FBXL7: variants seen among roughly 807,000 people sequenced by gnomAD.
FBXL7 encodes F-box and leucine rich repeat protein 7, also known as F-box/LRR-repeat protein 7.
Under a neutral mutation model 38.3 loss-of-function variants are expected in FBXL7, and 12 were observed. The ratio of observed to expected loss-of-function variants is 0.31; its 90% CI spans 0.20 to 0.51. The LOEUF is 0.51. Among genes scored for constraint, FBXL7 ranks in the 20% least tolerant of loss-of-function variants. The pLI, the probability that FBXL7 is intolerant of heterozygous loss-of-function variation, is 0.98. For missense variants in FBXL7, 567 were observed against 676.4 expected (o/e 0.84, Z 1.79); for synonymous variants, 297 against 300.9 (o/e 0.99, Z 0.13).
intron 1 of FBXL7, among the ~76,000 whole-genome samples, chr5:15,586,930 G>A (rs1436947907): frequency 6.6e-6 from 1 of 152,164 alleles, no homozygotes; most frequent in African/African-American, 2.4e-5. Context: ...GGGAGATTTC[G>A]AGAGGTATCT....
At chr5:15,807,837 A>AT (rs2126749082) in intron 2 of FBXL7, among the ~76,000 whole-genome samples, 1 of 152,292 alleles carries the variant, frequency 6.6e-6, no homozygotes, top group African/African-American at 2.4e-5. Flanking sequence ...CAGTGTTGAT[A>AT]TTTTTGCCAG....
intron 2 of FBXL7, among the ~76,000 whole-genome samples, chr5:15,800,220 G>A (rs2126740267): frequency 1.3e-5 from 2 of 152,254 alleles, no homozygotes; most frequent in Admixed American, 6.5e-5. Context: ...TGATGGATAT[G>A]AAAGCAGGTG....
rs983361655 is a variant in FBXL7 at position 15,835,950 on chromosome 5, A to G, written c.128-91940A>G. 1.2e-4 allele frequency among the ~76,000 whole-genome samples: 18 copies of G among 152,306 alleles called. 1 individual carries two copies. The highest frequency in any genetic ancestry group is 4.1e-4 in the South Asian group (2 of 4,828). Reference sequence around the variant, plus strand: ...AAGAACTCTGGGCAGGATTTTAGACACAGGAGTACCTCCAGCCTGGTCAAA... The same window carrying G: ...AAGAACTCTGGGCAGGATTTTAGACGCAGGAGTACCTCCAGCCTGGTCAAA... On this transcript the variant is annotated intron_variant, in intron 2 of 3. Coordinates refer to ENST00000504595, the MANE Select transcript of FBXL7 (RefSeq NM_012304.5).
Position 15,564,378 on chromosome 5 carries a change from CTGTGTGTGTGTGTGTG to C in FBXL7, c.38-51583_38-51568del, listed in dbSNP as rs33993480. On this transcript the variant is annotated intron_variant, in intron 1 of 3. Transcript: ENST00000504595. ...AGGACAATTATGATGTCAGTAATAT[CTGTGTGTGTGTGTGTG>C]TGTGTGTGTGTGTGTGTGTGTATGT... Among the ~76,000 whole-genome samples the C allele has an allele frequency of 4.6e-3, 684 of 147,502 alleles. 28 individuals are homozygous for C. In the East Asian group the frequency reaches 0.1, roughly 22 times the overall value.
At chr5:15,872,631 A>G (rs1312854941) in intron 2 of FBXL7, among the ~76,000 whole-genome samples, 1 of 152,216 alleles carries the variant, frequency 6.6e-6, no homozygotes, top group Non-Finnish European at 1.5e-5. Context: ...AGGGGTTGCA[A>G]TCCTAGTCTC....
chr5:15,677,599 A>G (rs1196332463), intron 2 of FBXL7, among the ~76,000 whole-genome samples: 1 of 152,198 alleles, frequency 6.6e-6, no homozygotes, highest in African/African-American at 2.4e-5. Context: ...GAACATGTCA[A>G]CAGAAGTTGT....
chr5:15,795,680 T>C (rs1241297002), intron 2 of FBXL7, among the ~76,000 whole-genome samples: 1 of 152,222 alleles, frequency 6.6e-6, no homozygotes, highest in Admixed American at 6.5e-5. Context: ...TTCATGGGTT[T>C]TTCAGGAAGC....
At chr5:15,546,038 T>G (rs1737883284) in intron 1 of FBXL7, among the ~76,000 whole-genome samples, 1 of 152,278 alleles carries the variant, frequency 6.6e-6, no homozygotes, top group Non-Finnish European at 1.5e-5. Context: ...AATATCTTCT[T>G]AATATTTTTA....
chr5:15,617,524 C>T (rs1420831374), intron 2 of FBXL7, among the ~76,000 whole-genome samples: 5 of 152,010 alleles, frequency 3.3e-5, no homozygotes, highest in African/African-American at 7.2e-5. Flanking sequence ...TGCCGTGGCA[C>T]GATCTTTGCT....
At chr5:15,652,577 T>G (rs187974939) in intron 2 of FBXL7, among the ~76,000 whole-genome samples, 309 of 152,334 alleles carry the variant, frequency 2.0e-3, no homozygotes, top group African/African-American at 7.2e-3. Context: ...GAAATTTTTC[T>G]TTTTCATTTA....
chr5:15,690,046 T>C (rs1743134649), intron 2 of FBXL7, among the ~76,000 whole-genome samples: 1 of 152,188 alleles, frequency 6.6e-6, no homozygotes, highest in African/African-American at 2.4e-5. Flanking sequence ...ATGTGCAAAA[T>C]TGTTTCTTGT....
At chr5:15,601,796 A>G (rs1739802470) in intron 1 of FBXL7, among the ~76,000 whole-genome samples, 1 of 152,238 alleles carries the variant, frequency 6.6e-6, no homozygotes. Flanking sequence ...TTCGGCAGAA[A>G]ATAATGTTGG....
rs532860622 is a variant in FBXL7 at position 15,936,761 on chromosome 5, C to T, written c.1051C>T (p.Arg351Cys). Reference protein sequence around the residue: ...GLREIAKLESRLRYLSIAHCG... With the variant: ...GLREIAKLESCLRYLSIAHCG... ...GCGGGAGATCGCCAAGCTGGAGTCC[C>T]GCCTGCGGTACCTGAGCATCGCGCA... The change falls in exon 4 of 4, where the codon CGC (arginine) becomes TGC (cysteine). Residue 351 changes from arginine to cysteine, a missense_variant. Transcript: ENST00000504595. This position sits in a 1 kb window ranked among gnomAD's most constrained non-coding sequence, Gnocchi z 6.0. 7 of 1,610,340 alleles carry T rather than the reference C, an allele frequency of 4.3e-6. No individual in the cohort carries two copies. Among genetic ancestry groups the T allele is most frequent in the Non-Finnish European group, 5.1e-6 (6 of 1,179,240 alleles).
chr5:15,877,122 C>G (rs1740244030), intron 2 of FBXL7, among the ~76,000 whole-genome samples: 1 of 152,336 alleles, frequency 6.6e-6, no homozygotes, highest in East Asian at 1.9e-4. Context: ...CCCCAGCACA[C>G]AGCATCCCAT....
At chr5:15,642,589 C>T (rs1350767592) in intron 2 of FBXL7, among the ~76,000 whole-genome samples, 2 of 152,292 alleles carry the variant, frequency 1.3e-5, no homozygotes, top group Non-Finnish European at 1.5e-5. Flanking sequence ...ACTAACTGAG[C>T]CTTTCAGGTG....
At chr5:15,852,749 T>C (rs964751425) in intron 2 of FBXL7, among the ~76,000 whole-genome samples, 1 of 152,170 alleles carries the variant, frequency 6.6e-6, no homozygotes, top group African/African-American at 2.4e-5. Flanking sequence ...AATTTGGAAC[T>C]AAACCTGGGT....
In FBXL7 at chr5:15,939,258, A is replaced by T; in HGVS notation, c.*2072A>T. On this transcript the variant is annotated 3_prime_UTR_variant, in exon 4 of 4. Transcript: ENST00000504595. ...GCCACAGAGTTTAAAACCATGAAAGAAGTTGAAGGCAGCATTCCTCAGCTC... is the reference window on the plus strand; with the variant it reads ...GCCACAGAGTTTAAAACCATGAAAGTAGTTGAAGGCAGCATTCCTCAGCTC... 2.6e-6 allele frequency: 1 copy of T among 389,866 alleles called. No homozygotes were observed. Among genetic ancestry groups the T allele is most frequent in the Non-Finnish European group, 4.5e-6 (1 of 220,866 alleles). The allele number at this position is 389,866 out of a possible 1,614,324, so 24.2% of individuals were successfully genotyped here.
intron 2 of FBXL7, among the ~76,000 whole-genome samples, chr5:15,749,730 G>A (rs189062450): frequency 2.0e-5 from 3 of 152,190 alleles, no homozygotes; most frequent in Non-Finnish European, 4.4e-5. Context: ...TTGTAGAATC[G>A]TTTCCATGTA....
At chr5:15,896,204 T>G (rs1258081054) in intron 2 of FBXL7, among the ~76,000 whole-genome samples, 1 of 152,110 alleles carries the variant, frequency 6.6e-6, no homozygotes, top group Non-Finnish European at 1.5e-5. Flanking sequence ...TTTTGTATTT[T>G]TAGTAGAGAT....
Sources: gnomAD v4.1 joint callset for allele counts (sites outside exome capture counted in the v4.1 genomes callset) on GRCh38, gnomAD v4.1.1 for gene constraint, Gnocchi (gnomAD v3.1) non-coding constraint, MANE v1.5 for transcripts, NCBI Gene and HGNC (gene_info 2026-07-23, HGNC 2026-07-21) for gene names.